The following RTN1 variants were observed in gnomAD, a reference collection of about 807,000 sequenced individuals.
RTN1 encodes the protein reticulon-1.
RTN1 carries 25 observed loss-of-function variants against 65.5 expected under a neutral mutation model. The observed-to-expected ratio is 0.38, with a 90% CI of 0.28 to 0.53. RTN1 has a LOEUF of 0.53. RTN1 is among the 20% of genes least tolerant of loss of function. RTN1 has a pLI of 0.79. For missense variants in RTN1, 983 were observed against 1,025.4 expected (o/e 0.96, Z 0.57); for synonymous variants, 471 against 447.6 (o/e 1.05, Z -0.66).
chr14:59,623,034 A>T (rs1566663993), intron 3 of RTN1, among the ~76,000 whole-genome samples: 1 of 152,258 alleles, frequency 6.6e-6, no homozygotes, highest in Non-Finnish European at 1.5e-5. Context: ...AAAAGAGCAT[A>T]GCATTTAATC....
chr14:59,697,673 A>C (rs1215981170), intron 3 of RTN1, among the ~76,000 whole-genome samples: 1 of 152,184 alleles, frequency 6.6e-6, no homozygotes, highest in Non-Finnish European at 1.5e-5. Context: ...GCCAACCATA[A>C]TAATGTGAAA....
chr14:59,612,723 G>A (rs10137640), intron 3 of RTN1, among the ~76,000 whole-genome samples: 106,231 of 152,020 alleles, frequency 0.7, 37,320 homozygotes, highest in East Asian at 0.85. Flanking sequence ...TGTGTCCTTA[G>A]GAGCTTAACC....
Position 59,868,559 on chromosome 14 carries a change from C to T in RTN1, c.241+1831G>A, listed in dbSNP as rs1271021873. ...AAGAGTAAATTTTAAACGCTTTTACCACAAAAAAAAAGTACATGAGATGAT... is the reference window on the plus strand; with the variant it reads ...AAGAGTAAATTTTAAACGCTTTTACTACAAAAAAAAAGTACATGAGATGAT... On this transcript the variant is annotated intron_variant, in intron 1 of 8. Coordinates refer to ENST00000267484, the MANE Select transcript of RTN1 (RefSeq NM_021136.3). This position sits in a 1 kb window ranked among gnomAD's most constrained non-coding sequence, Gnocchi z 4.0. Among the ~76,000 whole-genome samples, 1 of 151,532 alleles carries T rather than the reference C, an allele frequency of 6.6e-6. No individual in the cohort carries two copies. The highest frequency in any genetic ancestry group is 2.4e-5 in the African/African-American group (1 of 41,274).
At chr14:59,597,868 G>A (rs1215995363) in intron 8 of RTN1, among the ~76,000 whole-genome samples, 1 of 152,132 alleles carries the variant, frequency 6.6e-6, no homozygotes, top group Non-Finnish European at 1.5e-5. Flanking sequence ...ACAAGCTGGC[G>A]GCAAGGAGAT....
At chr14:59,851,332 G>A (rs185574963) in intron 1 of RTN1, among the ~76,000 whole-genome samples, 61 of 152,228 alleles carry the variant, frequency 4.0e-4, no homozygotes, top group African/African-American at 1.3e-3. Flanking sequence ...CATTTTAACA[G>A]ATTGTTAAAG....
chr14:59,739,604 C>A (rs1038822277), intron 2 of RTN1, among the ~76,000 whole-genome samples: 1 of 150,676 alleles, frequency 6.6e-6, no homozygotes, highest in African/African-American at 2.4e-5. Flanking sequence ...CAGGACAGGG[C>A]AATTGTTGAA....
chr14:59,852,833 T>C (rs1887533421), intron 1 of RTN1, among the ~76,000 whole-genome samples: 1 of 152,216 alleles, frequency 6.6e-6, no homozygotes, highest in African/African-American at 2.4e-5. Context: ...TGCAGATCTT[T>C]TGCCTGATTT....
intron 3 of RTN1, among the ~76,000 whole-genome samples, chr14:59,699,949 C>A (rs1374377267): frequency 6.6e-6 from 1 of 152,070 alleles, no homozygotes; most frequent in Non-Finnish European, 1.5e-5. Flanking sequence ...GACCAGAGAT[C>A]AGCAAACTCT....
intron 8 of RTN1, among the ~76,000 whole-genome samples, chr14:59,602,087 A>G (rs1881596798): frequency 1.3e-5 from 2 of 152,166 alleles, no homozygotes; most frequent in Admixed American, 1.3e-4. Context: ...GTAAAAAACA[A>G]AAGTTTATAA....
At chr14:59,617,625 T>C (rs1340449230) in intron 3 of RTN1, among the ~76,000 whole-genome samples, 1 of 152,194 alleles carries the variant, frequency 6.6e-6, no homozygotes, top group Non-Finnish European at 1.5e-5. Flanking sequence ...TCTTGAGGTT[T>C]TTTCTGCAGT....
At chr14:59,749,157 T>TCTAC (rs1555358602) in intron 1 of RTN1, among the ~76,000 whole-genome samples, 1 of 44,124 alleles carries the variant, frequency 2.3e-5, no homozygotes, top group African/African-American at 1.4e-4. Context: ...TATCTATCTA[T>TCTAC]ATCTATCTAT....
intron 3 of RTN1, among the ~76,000 whole-genome samples, chr14:59,621,042 GA>G (rs1290295459): frequency 6.6e-6 from 1 of 152,228 alleles, no homozygotes; most frequent in Non-Finnish European, 1.5e-5. Flanking sequence ...TCAGAGAAGA[GA>G]ATTTCTGCAT....
chr14:59,634,632 A>G (rs1882624990), intron 3 of RTN1, among the ~76,000 whole-genome samples: 1 of 152,204 alleles, frequency 6.6e-6, no homozygotes, highest in Admixed American at 6.5e-5. Context: ...ACCTGTCTCC[A>G]TAAATACAAA....
At chr14:59,753,353 T>G (rs920388784) in intron 1 of RTN1, among the ~76,000 whole-genome samples, 49 of 152,178 alleles carry the variant, frequency 3.2e-4, no homozygotes, top group Non-Finnish European at 5.6e-4. Flanking sequence ...TACTGCCAGC[T>G]AGAGGAAGAG....
intron 8 of RTN1, 76 bp from the exon 9 acceptor site, chr14:59,596,863 T>A: frequency 8.9e-7 from 1 of 1,128,896 alleles, no homozygotes; most frequent in South Asian, 1.2e-5. Context: ...TTGCTTTAAT[T>A]AGCTAAGTGA....
intron 1 of RTN1, among the ~76,000 whole-genome samples, chr14:59,852,685 A>G (rs1045469066): frequency 8.5e-5 from 13 of 152,198 alleles, no homozygotes; most frequent in African/African-American, 2.7e-4. Context: ...CTGGAATCCA[A>G]TATGGAATCT....
chr14:59,644,897 G>A lies in RTN1; in HGVS notation c.1766-37405C>T, dbSNP rs377226040. On this transcript the variant is annotated intron_variant, in intron 3 of 8. Transcript: ENST00000267484. ...GATCTCCTGACTGGGGTCACCAGCC[G>A]CCCTTGCCAGTGTTTTCCAGCTGGC... 5.3e-4 allele frequency among the ~76,000 whole-genome samples: 80 copies of A among 152,216 alleles called. 2 individuals carry two copies. In the South Asian group the frequency reaches 0.016, roughly 30 times the overall value.
intron 1 of RTN1, among the ~76,000 whole-genome samples, chr14:59,764,510 C>CG (rs1416953909): frequency 2.0e-5 from 3 of 151,872 alleles, no homozygotes; most frequent in Non-Finnish European, 2.9e-5. Flanking sequence ...TTAGTAGAGA[C>CG]GGGGTTTCAC....
At chr14:59,783,486 G>T (rs1263069176) in intron 1 of RTN1, among the ~76,000 whole-genome samples, 1 of 152,170 alleles carries the variant, frequency 6.6e-6, no homozygotes, top group Non-Finnish European at 1.5e-5. Flanking sequence ...GAGACAGAAA[G>T]AGTAGGTGAG....
Sources: gnomAD v4.1 joint callset for allele counts (sites outside exome capture counted in the v4.1 genomes callset) on GRCh38, gnomAD v4.1.1 for gene constraint, Gnocchi (gnomAD v3.1) non-coding constraint, MANE v1.5 for transcripts, NCBI Gene and HGNC (gene_info 2026-07-23, HGNC 2026-07-21) for gene names.